The following KCNQ3 variants were observed in gnomAD, a reference collection of about 807,000 sequenced individuals.
The protein encoded by KCNQ3 is potassium voltage-gated channel subfamily KQT member 3.
Under a neutral mutation model 92.5 loss-of-function variants are expected in KCNQ3, and 30 were observed. The observed-to-expected ratio is 0.32, with a 90% CI of 0.24 to 0.44. KCNQ3 has a LOEUF of 0.44. Ranked by LOEUF, KCNQ3 falls within the 20% of genes least tolerant of loss-of-function variation. The pLI, the probability that KCNQ3 is intolerant of heterozygous loss-of-function variation, is 1.00. For missense variants in KCNQ3, 913 were observed against 1,140.3 expected (o/e 0.80, Z 2.87); for synonymous variants, 450 against 468.8 (o/e 0.96, Z 0.52).
At chr8:132,284,905 C>T (rs1013147477) in intron 1 of KCNQ3, among the ~76,000 whole-genome samples, 8 of 152,218 alleles carry the variant, frequency 5.3e-5, no homozygotes, top group African/African-American at 1.9e-4. Flanking sequence ...TCCTATTTTG[C>T]TCTCTTTGCA....
At chr8:132,456,707 G>C (rs1821950443) in intron 1 of KCNQ3, among the ~76,000 whole-genome samples, 1 of 151,832 alleles carries the variant, frequency 6.6e-6, no homozygotes, top group South Asian at 2.1e-4. Context: ...CACCTGCCAG[G>C]TTCACGCCAT....
chr8:132,172,563 T>G, intron 7 of KCNQ3, 35 bp downstream of exon 7: 5 of 1,567,564 alleles, frequency 3.2e-6, no homozygotes, highest in Non-Finnish European at 2.6e-6. Context: ...GCATGGATCT[T>G]AATCCCATTC....
intron 1 of KCNQ3, among the ~76,000 whole-genome samples, chr8:132,339,193 C>T (rs750405142): frequency 1.1e-4 from 16 of 152,272 alleles, no homozygotes; most frequent in South Asian, 2.1e-4. Flanking sequence ...AAAGTGGGGG[C>T]TGGAACAGAG....
Position 132,121,608 on chromosome 8 carries a change from T to C in KCNQ3, c.*7654A>G, listed in dbSNP as rs1824471304. 4 of 152,190 alleles carry C rather than the reference T, an allele frequency of 2.6e-5. No individual in the cohort carries two copies. The highest frequency in any genetic ancestry group is 2.0e-4 in the Admixed American group (3 of 15,272). 9.4% of individuals were successfully genotyped at this position (152,190 alleles called of 1,614,324 possible). On this transcript the variant is annotated 3_prime_UTR_variant, in exon 15 of 15. Coordinates refer to ENST00000388996, the MANE Select transcript of KCNQ3 (RefSeq NM_004519.4). ...GGTTGGCTTCCATGGGAAACCTTGA[T>C]CTTTTAATACTGAGAAAGAGAGACA...
intron 1 of KCNQ3, among the ~76,000 whole-genome samples, chr8:132,354,328 G>A (rs1483073369): frequency 1.3e-5 from 2 of 152,158 alleles, no homozygotes; most frequent in African/African-American, 4.8e-5. Context: ...CATGCTAAAT[G>A]ATTGCTATAT....
chr8:132,175,730 T>G, intron 4 of KCNQ3, 122 bp from the exon 5 acceptor site: 1 of 851,404 alleles, frequency 1.2e-6, no homozygotes. Flanking sequence ...GTCAAATCAC[T>G]CACCTTCTCT....
intron 1 of KCNQ3, among the ~76,000 whole-genome samples, chr8:132,205,668 C>T (rs750290961): frequency 3.3e-5 from 5 of 152,124 alleles, no homozygotes; most frequent in Admixed American, 6.6e-5. Flanking sequence ...GCCCTAGCCT[C>T]CTTATTTGTA....
intron 1 of KCNQ3, among the ~76,000 whole-genome samples, chr8:132,196,156 T>C (rs1013364824): frequency 3.3e-5 from 5 of 152,210 alleles, no homozygotes; most frequent in Admixed American, 6.5e-5. Context: ...CTCCATCATA[T>C]GCTTTCTCTC....
intron 1 of KCNQ3, among the ~76,000 whole-genome samples, chr8:132,459,471 G>C (rs1460370538): frequency 6.6e-6 from 1 of 152,162 alleles, no homozygotes; most frequent in African/African-American, 2.4e-5. Flanking sequence ...CAAGGCAGAG[G>C]AAAGGTGTCA....
At chr8:132,408,145 T>C (rs150817810) in intron 1 of KCNQ3, among the ~76,000 whole-genome samples, 39 of 152,140 alleles carry the variant, frequency 2.6e-4, no homozygotes, top group African/African-American at 9.4e-4. Flanking sequence ...AATATAAATG[T>C]CGGGTAACAT....
At chr8:132,290,112 T>C (rs1256465370) in intron 1 of KCNQ3, among the ~76,000 whole-genome samples, 3 of 152,244 alleles carry the variant, frequency 2.0e-5, no homozygotes, top group Non-Finnish European at 2.9e-5. Context: ...AATTATCTCA[T>C]GTCCTTTCAT....
chr8:132,323,068 C>A (rs1311728403), intron 1 of KCNQ3, among the ~76,000 whole-genome samples: 1 of 152,158 alleles, frequency 6.6e-6, no homozygotes, highest in Non-Finnish European at 1.5e-5. Flanking sequence ...CATCACGGAT[C>A]CGGGAAGCTT....
chr8:132,450,703 A>G (rs116102356), intron 1 of KCNQ3, among the ~76,000 whole-genome samples: 60 of 152,290 alleles, frequency 3.9e-4, no homozygotes, highest in African/African-American at 1.3e-3. Context: ...GTCAGGCCCA[A>G]TGCAGGTGAA....
chr8:132,268,647 T>A (rs1231661875), intron 1 of KCNQ3, among the ~76,000 whole-genome samples: 3 of 152,258 alleles, frequency 2.0e-5, no homozygotes, highest in Admixed American at 2.0e-4. Flanking sequence ...AACATCTTGG[T>A]TGCTTCCAAT....
chr8:132,423,822 A>G (rs114552733), intron 1 of KCNQ3, among the ~76,000 whole-genome samples: 3,206 of 152,188 alleles, frequency 0.021, 120 homozygotes, highest in African/African-American at 0.072. Flanking sequence ...GGATGGCCCC[A>G]CCATACAGTA....
intron 1 of KCNQ3, among the ~76,000 whole-genome samples, chr8:132,241,971 G>A (rs114867100): frequency 6.4e-4 from 98 of 152,320 alleles, no homozygotes; most frequent in African/African-American, 1.8e-3. Flanking sequence ...GCATTATACC[G>A]TCAAGGGCAT....
rs187901189 is a variant in KCNQ3 at position 132,450,239 on chromosome 8, A to C, written c.386+29908T>G. 6.2e-3 allele frequency among the ~76,000 whole-genome samples: 948 copies of C among 151,828 alleles called. 5 individuals carry two copies. The highest frequency in any genetic ancestry group is 8.1e-3 in the Non-Finnish European group (549 of 67,928). ...TCCTGCTGATTGGTCCATTTTACAG[A>C]GTGCTGATTGGTCCATTTTACAGAG... On this transcript the variant is annotated intron_variant, in intron 1 of 14. Coordinates refer to ENST00000388996, the MANE Select transcript of KCNQ3 (RefSeq NM_004519.4).
chr8:132,391,702 G>A (rs1412845200), intron 1 of KCNQ3, among the ~76,000 whole-genome samples: 1 of 152,136 alleles, frequency 6.6e-6, no homozygotes, highest in Non-Finnish European at 1.5e-5. Context: ...CCAACAGCAG[G>A]ACACTCAAAA....
chr8:132,410,486 C>T (rs536343311), intron 1 of KCNQ3, among the ~76,000 whole-genome samples: 3 of 152,300 alleles, frequency 2.0e-5, no homozygotes, highest in Non-Finnish European at 4.4e-5. Context: ...GAACCCTGTC[C>T]TTGGAGCTCA....
Sources: allele counts gnomAD v4.1 joint callset (sites outside exome capture counted in the v4.1 genomes callset), GRCh38; gene constraint gnomAD v4.1.1; transcripts MANE v1.5; gene names NCBI Gene and HGNC (gene_info 2026-07-23, HGNC 2026-07-21).